Variants in SERGEF observed in about 807,000 individuals in gnomAD.
SERGEF encodes secretion-regulating guanine nucleotide exchange factor.
A neutral mutation model predicts 50.0 loss-of-function variants in SERGEF; 51 were observed. The ratio of observed to expected loss-of-function variants is 1.02; its 90% confidence interval spans 0.81 to 1.29. The LOEUF (loss-of-function observed/expected upper bound fraction) is 1.29, where lower values mean the gene tolerates loss of function less well. Among genes scored for constraint, SERGEF ranks in the 50% most tolerant of loss-of-function variants. SERGEF has a pLI of 0.00. For synonymous variants in SERGEF, 205 were observed against 212.4 expected, an observed-to-expected ratio of 0.97 and a Z score of 0.30; for missense variants, 521 against 557.0, an observed-to-expected ratio of 0.94 and a Z score of 0.65.
chr11:17,890,803 G>A (rs1321592054), intron 9 of SERGEF, among the ~76,000 whole-genome samples: 2 of 152,170 alleles, frequency 1.3e-5, no homozygotes, highest in Non-Finnish European at 2.9e-5. Context: ...GGCAGGGAAA[G>A]TATAAGATGA....
At chr11:17,998,436 C>CATAT (rs1853884923) in intron 5 of SERGEF, among the ~76,000 whole-genome samples, 1 of 46,266 alleles carries the variant, frequency 2.2e-5, no homozygotes, top group African/African-American at 8.1e-5. Context: ...TACATACATA[C>CATAT]ATACATATAT....
chr11:17,892,905 T>C (rs1176755493), intron 9 of SERGEF, among the ~76,000 whole-genome samples: 2 of 152,176 alleles, frequency 1.3e-5, no homozygotes. Context: ...AGTGGGATGT[T>C]TGGTGATTTA....
chr11:17,992,948 T>G lies in SERGEF; in HGVS notation c.668A>C (p.His223Pro), dbSNP rs1853750106. The G allele has an allele frequency of 6.2e-7, 1 of 1,613,972 alleles. No homozygotes were observed. The highest frequency in any genetic ancestry group is 1.7e-5 in the Admixed American group (1 of 60,006). The change falls in exon 7 of 11, where the codon CAC (histidine) becomes CCC (proline). Residue 223 changes from histidine to proline, a missense_variant. His to Pro is a moderately conservative substitution (Grantham distance 77). Transcript: ENST00000265965. ...GTACCTACCTGTTAATGAAGCTGAGTGGTCTGAGCCAGCAAGAACACACAT... is the reference window on the plus strand; with the variant it reads ...GTACCTACCTGTTAATGAAGCTGAGGGGTCTGAGCCAGCAAGAACACACAT... ...KAMCVLAGSD[H>P]SASLTDAGEV...
At position 17,988,590 on chromosome 11, in the gene SERGEF, G is replaced by A. The variant is rs211125; in HGVS notation, c.844+7C>T. 5.9e-3 allele frequency: 9,462 copies of A among 1,613,550 alleles called. 486 individuals carry two copies. In the East Asian group the frequency reaches 0.13, roughly 21 times the overall value. ...TACCAACCGTAAGTTCTCTGCTACT[G>A]TCTCACCTGTCTGAGCAACCAGGTG... On this transcript the variant is annotated splice_region_variant and intron_variant, in intron 8 of 10. Transcript: ENST00000265965.
chr11:17,963,381 AAAAAAAAAAAAAAAT>A (rs1853055668), intron 8 of SERGEF, among the ~76,000 whole-genome samples: 2 of 147,860 alleles, frequency 1.4e-5, no homozygotes, highest in Non-Finnish European at 3.0e-5. Flanking sequence ...AAAAAAAAAA[AAAAAAAAAAAAAAAT>A]TTTTTTTTTG....
chr11:17,795,566 G>A (rs1252030924), intron 10 of SERGEF, among the ~76,000 whole-genome samples: 1 of 152,132 alleles, frequency 6.6e-6, no homozygotes, highest in East Asian at 1.9e-4. Context: ...GGCTCCCAAG[G>A]CCCTGAGTAG....
intron 10 of SERGEF, among the ~76,000 whole-genome samples, chr11:17,802,462 G>C (rs1565171403): frequency 6.6e-6 from 1 of 152,144 alleles, no homozygotes; most frequent in Non-Finnish European, 1.5e-5. Flanking sequence ...GCTGAGGCGA[G>C]GCACATTTGT....
At chr11:17,887,874 G>C (rs1851460427) in intron 9 of SERGEF, among the ~76,000 whole-genome samples, 1 of 152,198 alleles carries the variant, frequency 6.6e-6, no homozygotes, top group Admixed American at 6.5e-5. Context: ...CTGCAGACTG[G>C]TAAAATTCCA....
At position 17,975,036 on chromosome 11, in the gene SERGEF, A is replaced by G. The variant is rs895862080; in HGVS notation, c.844+13561T>C. The stretch of plus-strand genomic sequence containing the variant: ...AACTCAATGTAGGAATGTGGCTGGG[A>G]AGCAGTAGTACTATTGATGGCTCCC... On this transcript the variant is annotated intron_variant, in intron 8 of 10. Coordinates refer to ENST00000265965, the MANE Select transcript of SERGEF (RefSeq NM_012139.4). 3.3e-5 allele frequency among the ~76,000 whole-genome samples: 5 copies of G among 152,294 alleles called. No individual in the cohort carries two copies. In the East Asian group the frequency reaches 9.6e-4, roughly 29 times the overall value.
intron 9 of SERGEF, among the ~76,000 whole-genome samples, chr11:17,931,692 C>T (rs1852355569): frequency 6.6e-6 from 1 of 152,178 alleles, no homozygotes; most frequent in Non-Finnish European, 1.5e-5. Flanking sequence ...GACTGCAAAA[C>T]ATCACCCAAT....
chr11:17,938,251 T>C (rs1852494077), intron 9 of SERGEF, among the ~76,000 whole-genome samples: 1 of 152,118 alleles, frequency 6.6e-6, no homozygotes, highest in African/African-American at 2.4e-5. Context: ...AATACAACCA[T>C]CAGACATTTT....
intron 9 of SERGEF, among the ~76,000 whole-genome samples, chr11:17,938,562 G>C (rs1852499641): frequency 1.3e-5 from 2 of 152,088 alleles, no homozygotes; most frequent in African/African-American, 4.8e-5. Flanking sequence ...CCAGACCCCT[G>C]ATATTAGGAA....
chr11:17,976,035 G>A (rs1434988474), intron 8 of SERGEF, among the ~76,000 whole-genome samples: 1 of 152,128 alleles, frequency 6.6e-6, no homozygotes, highest in Non-Finnish European at 1.5e-5. Flanking sequence ...GACAAATTAG[G>A]AATTAAGGCC....
intron 9 of SERGEF, among the ~76,000 whole-genome samples, chr11:17,952,337 C>A (rs915859347): frequency 1.3e-5 from 2 of 152,178 alleles, no homozygotes; most frequent in African/African-American, 4.8e-5. Flanking sequence ...AAGAGGTACA[C>A]AGTTCAATGA....
In SERGEF at chr11:17,933,190, G is replaced by C. The variant is rs369551445; in HGVS notation, c.1011+26280C>G. 6.6e-5 allele frequency among the ~76,000 whole-genome samples: 10 copies of C among 152,208 alleles called. No individual in the cohort carries two copies. The East Asian group carries it at 1.9e-3, about 29-fold the overall frequency. On this transcript the variant is annotated intron_variant, in intron 9 of 10. Transcript: ENST00000265965. ...ATTTGAGGTTCTACAGGTCACTAAG[G>C]AAAAGATACACATGGTTAATCATAA... is the stretch of plus-strand genomic sequence containing the variant.
intron 8 of SERGEF, among the ~76,000 whole-genome samples, chr11:17,963,575 A>G (rs1853060915): frequency 6.6e-6 from 1 of 151,766 alleles, no homozygotes; most frequent in South Asian, 2.1e-4. Flanking sequence ...TAGTAGAGAC[A>G]GGGTTTTGCC....
In SERGEF at chr11:17,885,344, C is replaced by T. The variant is rs138002046; in HGVS notation, c.1012-7100G>A. Among the ~76,000 whole-genome samples, 3 of 152,224 alleles carry T rather than the reference C, an allele frequency of 2.0e-5. No individual in the cohort carries two copies. In the East Asian group the frequency reaches 5.8e-4, roughly 29 times the overall value. ...TCTGATCTGTTTTTGTTTTTAGAGA[C>T]AGGGTCTTGCTCTATTGCCCAGGCT... On this transcript the variant is annotated intron_variant, in intron 9 of 10. Coordinates refer to ENST00000265965, the MANE Select transcript of SERGEF (RefSeq NM_012139.4).
chr11:17,918,663 C>CACACA lies in SERGEF; in HGVS notation c.1012-40420_1012-40419insTGTGT, dbSNP rs1565204600. 2.7e-4 allele frequency: 65 copies of CACACA among 244,666 alleles called. 1 individual carries two copies. Among genetic ancestry groups the CACACA allele is most frequent in the African/African-American group, 6.1e-4 (23 of 37,940 alleles). The allele number at this position is 244,666 out of a possible 1,614,324, so 15.2% of individuals were successfully genotyped here. On this transcript the variant is annotated intron_variant, in intron 9 of 10. Transcript: ENST00000265965. ...ACACACACACACACATACACACACA[C>CACACA]TCTCTCTCTCTCTCTCTTTCTCTCC...
chr11:17,907,595 T>G (rs890593072), intron 9 of SERGEF, among the ~76,000 whole-genome samples: 1 of 152,240 alleles, frequency 6.6e-6, no homozygotes, highest in Non-Finnish European at 1.5e-5. Context: ...GTTGCCCTTT[T>G]CCTCACTCCT....
Sources: gnomAD v4.1 joint callset for allele counts (sites outside exome capture counted in the v4.1 genomes callset) on GRCh38, gnomAD v4.1.1 for gene constraint, MANE v1.5 for transcripts, NCBI Gene and HGNC (gene_info 2026-07-23, HGNC 2026-07-21) for gene names.